The following TMTC2 variants were observed in gnomAD, a reference collection of about 807,000 sequenced individuals.
The protein encoded by TMTC2 is protein O-mannosyl-transferase TMTC2.
A neutral mutation model predicts 82.4 loss-of-function variants in TMTC2; 43 were observed. The ratio of observed to expected loss-of-function variants is 0.52; its 90% CI spans 0.41 to 0.67. The LOEUF is 0.67. Ranked by LOEUF, TMTC2 falls within the 30% of genes least tolerant of loss-of-function variation. The pLI is 0.00. For missense variants in TMTC2, 919 were observed against 1,012.4 expected (o/e 0.91, Z 1.25); for synonymous variants, 408 against 381.9 (o/e 1.07, Z -0.80).
Position 82,857,528 on chromosome 12 carries a change from T to C in TMTC2, c.602T>C (p.Val201Ala), listed in dbSNP as rs145474443. The change falls in exon 2 of 12, where the codon GTC (valine) becomes GCC (alanine). Residue 201 changes from valine to alanine, a missense_variant. Transcript: ENST00000321196. ...TVLAVSAVYD[V>A]FVFHRLKIKQ... The stretch of plus-strand genomic sequence containing the variant: ...CTCGCAGTTTCAGCAGTTTATGATG[T>C]CTTTGTCTTTCACAGGCTGAAAATA... 1.5e-5 allele frequency: 25 copies of C among 1,612,948 alleles called. No homozygotes were observed. Among genetic ancestry groups the C allele is most frequent in the African/African-American group, 8.0e-5 (6 of 74,904 alleles).
chr12:82,899,391 A>C (rs578041427), intron 3 of TMTC2, among the ~76,000 whole-genome samples: 4 of 151,800 alleles, frequency 2.6e-5, no homozygotes, highest in African/African-American at 7.2e-5. Flanking sequence ...CATAGCTGAC[A>C]TCCATTCCAT....
At chr12:83,077,224 G>A (rs1396432406) in intron 11 of TMTC2, among the ~76,000 whole-genome samples, 2 of 152,162 alleles carry the variant, frequency 1.3e-5, no homozygotes, top group Non-Finnish European at 2.9e-5. Context: ...AGGACTGTCT[G>A]AACTTCCACT....
At chr12:83,019,946 G>T (rs116025692) in intron 8 of TMTC2, among the ~76,000 whole-genome samples, 3 of 152,088 alleles carry the variant, frequency 2.0e-5, no homozygotes, top group Non-Finnish European at 4.4e-5. Context: ...ACTCCCCTCT[G>T]CCTCACTCAA....
chr12:82,860,345 C>A (rs1302693915), intron 2 of TMTC2, among the ~76,000 whole-genome samples: 1 of 152,156 alleles, frequency 6.6e-6, no homozygotes, highest in Non-Finnish European at 1.5e-5. Context: ...GTGTGGAGAG[C>A]CAGAGATGTG....
At chr12:82,689,786 A>G (rs933069325) in intron 1 of TMTC2, among the ~76,000 whole-genome samples, 1 of 152,202 alleles carries the variant, frequency 6.6e-6, no homozygotes, top group Admixed American at 6.5e-5. Flanking sequence ...TCTATCTTGT[A>G]GCTACATAGG....
At chr12:82,962,082 A>G (rs184195365) in intron 4 of TMTC2, among the ~76,000 whole-genome samples, 196 of 152,118 alleles carry the variant, frequency 1.3e-3, no homozygotes, top group Middle Eastern at 0.01. Context: ...CCCTCCCCAC[A>G]AGAATAAGGC....
At chr12:83,086,301 C>G (rs375350050) in intron 11 of TMTC2, among the ~76,000 whole-genome samples, 1 of 152,280 alleles carries the variant, frequency 6.6e-6, no homozygotes, top group African/African-American at 2.4e-5. Context: ...GGCGGCCGGG[C>G]AGAGGCACTC....
chr12:82,741,057 C>T (rs77440300), intron 1 of TMTC2, among the ~76,000 whole-genome samples: 2,260 of 152,288 alleles, frequency 0.015, 54 homozygotes, highest in African/African-American at 0.05. Context: ...AACAAGGGGT[C>T]ATGTACTTTA....
intron 1 of TMTC2, among the ~76,000 whole-genome samples, chr12:82,771,047 A>G (rs1367089568): frequency 1.3e-5 from 2 of 152,030 alleles, no homozygotes; most frequent in Non-Finnish European, 2.9e-5. Context: ...TCTCTACTAA[A>G]AATACAAAAA....
intron 3 of TMTC2, among the ~76,000 whole-genome samples, chr12:82,917,481 TTTC>T (rs1175180580): frequency 2.6e-5 from 4 of 152,120 alleles, no homozygotes; most frequent in African/African-American, 7.2e-5. Flanking sequence ...TAAGGCATGG[TTTC>T]TTCTTCTATT....
At chr12:83,032,555 A>AT (rs558777076) in intron 9 of TMTC2, among the ~76,000 whole-genome samples, 1 of 151,122 alleles carries the variant, frequency 6.6e-6, no homozygotes, top group Non-Finnish European at 1.5e-5. Context: ...TTTTTTTTTA[A>AT]TTTTTTTAGA....
At chr12:82,700,369 T>C (rs1033991221) in intron 1 of TMTC2, among the ~76,000 whole-genome samples, 2 of 152,224 alleles carry the variant, frequency 1.3e-5, no homozygotes, top group African/African-American at 2.4e-5. Flanking sequence ...TAAAAATCAC[T>C]ATGTAATAAC....
chr12:83,022,390 A>G lies in TMTC2; in HGVS notation c.2071-8408A>G, dbSNP rs116675513. Among the ~76,000 whole-genome samples the G allele has an allele frequency of 2.3e-3, 230 of 101,654 alleles. 1 individual carries two copies. Among genetic ancestry groups the G allele is most frequent in the Middle Eastern group, 0.01 (1 of 100 alleles). 66.7% of individuals were successfully genotyped at this position (101,654 alleles called of 152,430 possible). A position where few individuals can be genotyped will look rare whatever the true frequency, so the allele number is the denominator to read the frequency against. ...CCCCCTCCCCCCGCCCCAGTTGTGC[A>G]TTGCTCTCTTCCGCATTATTTTTCA... On this transcript the variant is annotated intron_variant, in intron 8 of 11. Transcript: ENST00000321196.
intron 1 of TMTC2, among the ~76,000 whole-genome samples, chr12:82,829,601 A>G (rs1592556547): frequency 6.6e-6 from 1 of 152,226 alleles, no homozygotes; most frequent in Admixed American, 6.5e-5. Context: ...GTACCAATAA[A>G]CATGCTATTA....
In TMTC2 at chr12:83,066,954, A is replaced by G. The variant is rs145944246; in HGVS notation, c.2331+5123A>G. ...AGGAGTTAGAAGAAAGGCCATAGTTAGGGATAGAGATGTGGGAGTCATTTG... is the reference window on the plus strand; with the variant it reads ...AGGAGTTAGAAGAAAGGCCATAGTTGGGGATAGAGATGTGGGAGTCATTTG... On this transcript the variant is annotated intron_variant, in intron 11 of 11. Coordinates refer to ENST00000321196, the MANE Select transcript of TMTC2 (RefSeq NM_152588.3). 6.0e-4 allele frequency among the ~76,000 whole-genome samples: 91 copies of G among 152,084 alleles called. No individual in the cohort carries two copies. In the East Asian group the frequency reaches 0.015, roughly 25 times the overall value.
Position 83,047,131 on chromosome 12 carries a change from T to C in TMTC2, c.2153-3773T>C, listed in dbSNP as rs370963845. Among the ~76,000 whole-genome samples, 4 of 152,282 alleles carry C rather than the reference T, an allele frequency of 2.6e-5. 1 individual carries two copies. Among genetic ancestry groups the C allele is most frequent in the African/African-American group, 9.6e-5 (4 of 41,558 alleles). On this transcript the variant is annotated intron_variant, in intron 9 of 11. Transcript: ENST00000321196. ...AGTGGCTGCAAGTTCCAGACAAAGATGGGAAGCAGTAGGTTCCACTATGGG... is the reference window on the plus strand; with the variant it reads ...AGTGGCTGCAAGTTCCAGACAAAGACGGGAAGCAGTAGGTTCCACTATGGG...
chr12:82,798,337 C>G (rs112428406), intron 1 of TMTC2, among the ~76,000 whole-genome samples: 8 of 150,120 alleles, frequency 5.3e-5, no homozygotes, highest in Admixed American at 1.3e-4. Context: ...TTTGGGAGGC[C>G]GAGGCCGGTG....
chr12:82,726,623 A>G lies in TMTC2; in HGVS notation c.83+38954A>G, dbSNP rs1029410636. 3.3e-5 allele frequency among the ~76,000 whole-genome samples: 5 copies of G among 152,106 alleles called. No individual in the cohort carries two copies. The East Asian group carries it at 7.7e-4, about 23-fold the overall frequency. ...AAGTCTGGTGTGGTGGCTCACGCCTATAATCTCAGCACTTTGGGAGGCCAA... is the reference window on the plus strand; with the variant it reads ...AAGTCTGGTGTGGTGGCTCACGCCTGTAATCTCAGCACTTTGGGAGGCCAA... On this transcript the variant is annotated intron_variant, in intron 1 of 11. Coordinates refer to ENST00000321196, the MANE Select transcript of TMTC2 (RefSeq NM_152588.3).
intron 8 of TMTC2, among the ~76,000 whole-genome samples, chr12:83,022,784 G>C (rs1447620337): frequency 6.6e-6 from 1 of 152,044 alleles, no homozygotes; most frequent in African/African-American, 2.4e-5. Flanking sequence ...CAATTATACA[G>C]ATGGTGCAAT....
Sources: gnomAD v4.1 joint callset for allele counts (sites outside exome capture counted in the v4.1 genomes callset) on GRCh38, gnomAD v4.1.1 for gene constraint, MANE v1.5 for transcripts, NCBI Gene and HGNC (gene_info 2026-07-23, HGNC 2026-07-21) for gene names.